The following TEX101 variants were observed in gnomAD, a reference collection of about 807,000 sequenced individuals.
TEX101 encodes the protein testis expressed 101.
Under a neutral mutation model 18.1 loss-of-function variants are expected in TEX101, and 10 were observed. That is an observed-to-expected ratio of 0.55 (90% CI 0.34 to 0.94). TEX101 has a LOEUF of 0.94. Among genes scored for constraint, TEX101 ranks in the 40% least tolerant of loss-of-function variants. TEX101 has a pLI of 0.02. For synonymous variants in TEX101, 94 were observed against 114.8 expected (o/e 0.82, Z 1.16); for missense variants, 259 against 298.9 (o/e 0.87, Z 0.98).
intron 2 of TEX101, 51 bp from the exon 3 acceptor site, chr19:43,416,048 G>A (rs774746731): frequency 4.4e-6 from 7 of 1,608,224 alleles, no homozygotes; most frequent in African/African-American, 1.3e-5. Flanking sequence ...TGAAAAGGGA[G>A]CCGCCTTGGC....
intron 3 of TEX101, among the ~76,000 whole-genome samples, chr19:43,409,189 G>A (rs774486365): frequency 1.3e-5 from 2 of 152,312 alleles, no homozygotes; most frequent in East Asian, 3.9e-4. Flanking sequence ...GCAGAAGAAA[G>A]TGATGTAGAA....
Position 43,414,955 on chromosome 19 carries a change from G to A in TEX101, c.-123G>A, listed in dbSNP as rs1321193170. The A allele has an allele frequency of 1.0e-6, 1 of 985,328 alleles. No individual in the cohort carries two copies. Among genetic ancestry groups the A allele is most frequent in the East Asian group, 1.1e-4 (1 of 8,826 alleles). 61.0% of individuals were successfully genotyped at this position (985,328 alleles called of 1,614,324 possible). A position where few individuals can be genotyped will look rare whatever the true frequency, so the allele number is the denominator to read the frequency against. ...AACTTTGGCGTCGTGAGATTCTTGT[G>A]AGGCGTCTGCCTGGAAGCCGGCAGC... On this transcript the variant is annotated 5_prime_UTR_variant, in exon 1 of 6. Transcript: ENST00000598265.
chr19:43,391,287 G>A, the TEX101 span, among the ~76,000 whole-genome samples: 2 of 152,046 alleles, frequency 1.3e-5, no homozygotes, highest in Admixed American at 6.5e-5. Context: ...GCATCTTTTG[G>A]TGAGTCTATG....
At chr19:43,405,251 C>G (rs1374822663) in intron 2 of TEX101, among the ~76,000 whole-genome samples, 1 of 150,234 alleles carries the variant, frequency 6.7e-6, no homozygotes, top group Non-Finnish European at 1.5e-5. Flanking sequence ...ATTTCCCAAA[C>G]AAAGATTATC....
chr19:43,392,945 T>A, the TEX101 span, among the ~76,000 whole-genome samples: 3 of 151,888 alleles, frequency 2.0e-5, no homozygotes, highest in South Asian at 6.2e-4. Flanking sequence ...GTAATCCCAG[T>A]TACTCAGGAG....
At chr19:43,393,784 G>C in the TEX101 span, among the ~76,000 whole-genome samples, 1 of 150,654 alleles carries the variant, frequency 6.6e-6, no homozygotes, top group Non-Finnish European at 1.5e-5. Context: ...AGGAAGCTCT[G>C]CTGGTAAGGT....
upstream of TEX101, among the ~76,000 whole-genome samples, chr19:43,411,634 CTTTT>C (rs1046978286): frequency 5.9e-5 from 9 of 151,592 alleles, no homozygotes; most frequent in South Asian, 1.7e-3. Flanking sequence ...TCCTCATTTT[CTTTT>C]TTTTCTTTTT....
At chr19:43,400,704 T>A (rs908175039), upstream of TEX101, among the ~76,000 whole-genome samples, 1 of 152,234 alleles carries the variant, frequency 6.6e-6, no homozygotes, top group Admixed American at 6.5e-5. Flanking sequence ...TAGTTTTCAC[T>A]TTTAGAGATG....
At position 43,415,156 on chromosome 19, in the gene TEX101, T is replaced by C. The variant is rs368978362; in HGVS notation, c.-40+118T>C. ...GGTGTGTCCCGCAGGAAAAGGTGGT[T>C]GGAACCCAGACTCCTCGATCCCTAC... On this transcript the variant is annotated intron_variant, in intron 1 of 5. Coordinates refer to ENST00000598265, the MANE Select transcript of TEX101 (RefSeq NM_001130011.3). 8.1e-5 allele frequency: 59 copies of C among 729,298 alleles called. No homozygotes were observed. In the East Asian group the frequency reaches 5.0e-3, roughly 61 times the overall value. 45.2% of individuals were successfully genotyped at this position (729,298 alleles called of 1,614,324 possible).
chr19:43,410,048 A>G (rs1412822269), upstream of TEX101, among the ~76,000 whole-genome samples: 2 of 152,152 alleles, frequency 1.3e-5, no homozygotes, highest in Non-Finnish European at 2.9e-5. Context: ...CAAAAAAAAA[A>G]TAAGTAAAAC....
At chr19:43,392,879 G>A in the TEX101 span, among the ~76,000 whole-genome samples, 1 of 152,062 alleles carries the variant, frequency 6.6e-6, no homozygotes, top group Non-Finnish European at 1.5e-5. Flanking sequence ...CCAACATGGT[G>A]AAACCCTGTC....
intron 3 of TEX101, among the ~76,000 whole-genome samples, chr19:43,408,810 A>G (rs4340422): frequency 0.26 from 39,331 of 152,010 alleles, 5,611 homozygotes; most frequent in East Asian, 0.59. Flanking sequence ...TCCCTGGACT[A>G]TGGGGCATCA....
At chr19:43,407,287 C>T (rs1970375041) in intron 3 of TEX101, among the ~76,000 whole-genome samples, 1 of 152,046 alleles carries the variant, frequency 6.6e-6, no homozygotes, top group African/African-American at 2.4e-5. Flanking sequence ...AGTTCGAGGC[C>T]AGCCTGGCCA....
upstream of TEX101, among the ~76,000 whole-genome samples, chr19:43,413,911 C>T (rs1163988271): frequency 6.6e-6 from 1 of 151,694 alleles, no homozygotes; most frequent in Non-Finnish European, 1.5e-5. Flanking sequence ...GCTGAGATCA[C>T]GTCACTGCAC....
At chr19:43,405,960 T>C (rs796980844) in intron 2 of TEX101, among the ~76,000 whole-genome samples, 2 of 150,762 alleles carry the variant, frequency 1.3e-5, no homozygotes, top group African/African-American at 4.9e-5. Flanking sequence ...AATTGTTGAC[T>C]ATAAAAGGAT....
chr19:43,389,696 G>A, the TEX101 span, among the ~76,000 whole-genome samples: 1 of 152,150 alleles, frequency 6.6e-6, no homozygotes, highest in Non-Finnish European at 1.5e-5. Flanking sequence ...TTCTCCCTTA[G>A]GGAAGGGCAC....
Position 43,418,008 on chromosome 19 carries a change from T to C in TEX101, c.520+2T>C. The C allele has an allele frequency of 6.2e-7, 1 of 1,614,084 alleles. No individual in the cohort carries two copies. Among genetic ancestry groups the C allele is most frequent in the Non-Finnish European group, 8.5e-7 (1 of 1,180,004 alleles). On this transcript the variant is annotated splice_donor_variant, in intron 5 of 5. Coordinates refer to ENST00000598265, the MANE Select transcript of TEX101 (RefSeq NM_001130011.3). LOFTEE classifies it high-confidence loss of function. ...AAGGAAAACTTGAGATCACTGGAGG[T>C]AAACTGAAATGAACATCTGATAGTT... is the stretch of plus-strand genomic sequence containing the variant.
upstream of TEX101, among the ~76,000 whole-genome samples, chr19:43,397,684 C>G (rs987759648): frequency 6.8e-5 from 10 of 147,498 alleles, no homozygotes; most frequent in Non-Finnish European, 1.5e-4. Context: ...ATACCGTGAT[C>G]ACGCCTGAGA....
At chr19:43,397,527 C>G (rs1031983312), upstream of TEX101, among the ~76,000 whole-genome samples, 2 of 151,590 alleles carry the variant, frequency 1.3e-5, no homozygotes, top group African/African-American at 4.9e-5. Context: ...ACCAAGAATA[C>G]CCACATCCTC....
Sources: allele counts gnomAD v4.1 joint callset (sites outside exome capture counted in the v4.1 genomes callset), GRCh38; gene constraint gnomAD v4.1.1; transcripts MANE v1.5; gene names NCBI Gene and HGNC (gene_info 2026-07-23, HGNC 2026-07-21).